METTL8: variants seen among roughly 807,000 people sequenced by gnomAD.
METTL8 encodes the protein tRNA N(3)-cytidine methyltransferase METTL8, mitochondrial.
In METTL8, 32 loss-of-function variants were observed where a neutral mutation model predicts 48.7. That is an observed-to-expected ratio of 0.66 (90% CI 0.50 to 0.88). METTL8 has a LOEUF of 0.88. Among genes scored for constraint, METTL8 ranks in the 40% least tolerant of loss-of-function variants. METTL8 has a pLI of 0.00. For missense variants in METTL8, 464 were observed against 474.4 expected (o/e 0.98, Z 0.20); for synonymous variants, 136 against 157.1 (o/e 0.87, Z 1.01).
intron 1 of METTL8, among the ~76,000 whole-genome samples, chr2:171,425,955 G>A (rs758070285): frequency 1.3e-5 from 2 of 151,970 alleles, no homozygotes; most frequent in East Asian, 1.9e-4. Context: ...TCAGGTGTTC[G>A]AGACCAGCCT....
intron 1 of METTL8, among the ~76,000 whole-genome samples, chr2:171,399,716 T>A (rs1574139277): frequency 6.6e-6 from 1 of 152,306 alleles, no homozygotes; most frequent in African/African-American, 2.4e-5. Context: ...GTAATGCACA[T>A]GACAAAATAC....
chr2:171,402,849 C>A (rs1335363342), intron 1 of METTL8, among the ~76,000 whole-genome samples: 2 of 151,970 alleles, frequency 1.3e-5, no homozygotes, highest in Admixed American at 6.6e-5. Context: ...ACCCGAAAAA[C>A]CAAAAAAACC....
At chr2:171,329,874 C>T (rs1197853262) in intron 7 of METTL8, among the ~76,000 whole-genome samples, 1 of 152,168 alleles carries the variant, frequency 6.6e-6, no homozygotes, top group African/African-American at 2.4e-5. Flanking sequence ...TGGTACTTAC[C>T]ATATGTACCC....
At chr2:171,362,595 A>AAATAAATCAATC (rs1182899660) in intron 2 of METTL8, among the ~76,000 whole-genome samples, 4 of 151,168 alleles carry the variant, frequency 2.6e-5, no homozygotes, top group African/African-American at 9.7e-5. Context: ...ATAAATAAAT[A>AAATAAATCAATC]AATAAATCAA....
intron 1 of METTL8, among the ~76,000 whole-genome samples, chr2:171,407,362 G>A (rs1690296571): frequency 1.3e-5 from 2 of 151,936 alleles, no homozygotes; most frequent in Non-Finnish European, 2.9e-5. Context: ...AAAGAAACAG[G>A]GGAGGGAGAA....
intron 2 of METTL8, among the ~76,000 whole-genome samples, chr2:171,389,249 A>G (rs1166980854): frequency 6.6e-6 from 1 of 152,086 alleles, no homozygotes; most frequent in African/African-American, 2.4e-5. Context: ...GTTGAGTGCT[A>G]TGGCTCACAC....
At chr2:171,352,260 C>T (rs1401702688) in intron 3 of METTL8, among the ~76,000 whole-genome samples, 7 of 152,064 alleles carry the variant, frequency 4.6e-5, no homozygotes, top group East Asian at 1.9e-4. Context: ...TGTTGGATTA[C>T]GTTTATGGAT....
chr2:171,347,889 T>C (rs144425511), intron 3 of METTL8, among the ~76,000 whole-genome samples: 393 of 152,320 alleles, frequency 2.6e-3, no homozygotes, highest in African/African-American at 8.5e-3. Context: ...CTCATAAAAA[T>C]AGAATGATGT....
intron 1 of METTL8, among the ~76,000 whole-genome samples, chr2:171,412,596 C>T (rs1291590534): frequency 1.3e-5 from 2 of 151,204 alleles, no homozygotes; most frequent in Non-Finnish European, 2.9e-5. Context: ...AAAAAAAACA[C>T]TGTAGTGCCA....
intron 1 of METTL8, among the ~76,000 whole-genome samples, chr2:171,409,022 C>T (rs893136768): frequency 2.0e-5 from 3 of 152,170 alleles, no homozygotes; most frequent in African/African-American, 7.2e-5. Context: ...TTAATTTGAA[C>T]AGCCCTAAGT....
In METTL8 at chr2:171,404,831, G is replaced by A. The variant is rs909975849; in HGVS notation, c.-12-12634C>T. Among the ~76,000 whole-genome samples, 16 of 152,276 alleles carry A rather than the reference G, an allele frequency of 1.1e-4. 1 individual carries two copies. The highest frequency in any genetic ancestry group is 8.5e-4 in the Admixed American group (13 of 15,278). ...GAGGATTGAGAACCACTCAGATACAGAATTAATGAGAAGAGAAAGAGGCCC... is the reference window on the plus strand; with the variant it reads ...GAGGATTGAGAACCACTCAGATACAAAATTAATGAGAAGAGAAAGAGGCCC... On this transcript the variant is annotated intron_variant, in intron 1 of 9. Coordinates refer to ENST00000375258, the MANE Select transcript of METTL8 (RefSeq NM_001321154.2).
At chr2:171,335,399 C>G (rs1685981230) in intron 5 of METTL8, among the ~76,000 whole-genome samples, 1 of 152,042 alleles carries the variant, frequency 6.6e-6, no homozygotes, top group Non-Finnish European at 1.5e-5. Flanking sequence ...TCACTGTACT[C>G]TTTGCTTTTC....
chr2:171,367,613 T>A (rs1195664921), intron 2 of METTL8, among the ~76,000 whole-genome samples: 1 of 152,188 alleles, frequency 6.6e-6, no homozygotes, highest in Non-Finnish European at 1.5e-5. Context: ...GGTAAATATG[T>A]GGGTAATTAT....
At chr2:171,325,721 A>T in intron 9 of METTL8, 120 bp downstream of exon 9, 1 of 639,122 alleles carries the variant, frequency 1.6e-6, no homozygotes, top group Non-Finnish European at 2.7e-6. Flanking sequence ...AAGTATGAAG[A>T]CATCTAATGC....
intron 2 of METTL8, among the ~76,000 whole-genome samples, chr2:171,391,431 C>G (rs923383309): frequency 2.0e-5 from 3 of 152,166 alleles, no homozygotes; most frequent in Non-Finnish European, 2.9e-5. Context: ...GTTTCCCTCA[C>G]TTTAAGAAAT....
chr2:171,406,950 C>T (rs1453408901), intron 1 of METTL8, among the ~76,000 whole-genome samples: 1 of 151,710 alleles, frequency 6.6e-6, no homozygotes. Flanking sequence ...CCAAAAGTAA[C>T]CTAACTGATA....
intron 2 of METTL8, among the ~76,000 whole-genome samples, chr2:171,376,290 CCTACCTGCT>C (rs756805098): frequency 2.6e-5 from 4 of 152,146 alleles, no homozygotes; most frequent in Non-Finnish European, 5.9e-5. Flanking sequence ...CAAGTTAAAT[CCTACCTGCT>C]CTTCCAACCT....
rs1684264842 is a variant in METTL8 at position 171,316,378 on chromosome 2, CTAAAG to C, written c.*7789_*7793del. Among the ~76,000 whole-genome samples the C allele has an allele frequency of 6.6e-6, 1 of 152,138 alleles. No homozygotes were observed. The highest frequency in any genetic ancestry group is 1.5e-5 in the Non-Finnish European group (1 of 68,024). On this transcript the variant is annotated 3_prime_UTR_variant, in exon 10 of 10. Coordinates refer to ENST00000375258, the MANE Select transcript of METTL8 (RefSeq NM_001321154.2). ...GGAAGCCTGGATCCATGGTTTTTTCCTAAAGTAAACAAAAGATCTGCAAAAGTATT... is the reference window on the plus strand; with the variant it reads ...GGAAGCCTGGATCCATGGTTTTTTCCTAAACAAAAGATCTGCAAAAGTATT...
intron 3 of METTL8, among the ~76,000 whole-genome samples, chr2:171,342,399 T>C (rs1159553713): frequency 1.3e-5 from 2 of 152,268 alleles, no homozygotes; most frequent in Non-Finnish European, 2.9e-5. Flanking sequence ...CTATTTATGG[T>C]TGATCTGAAA....
Sources: allele counts gnomAD v4.1 joint callset (sites outside exome capture counted in the v4.1 genomes callset), GRCh38; gene constraint gnomAD v4.1.1; transcripts MANE v1.5; gene names NCBI Gene and HGNC (gene_info 2026-07-23, HGNC 2026-07-21).